PRL: variants seen among roughly 807,000 people sequenced by gnomAD.
PRL encodes the protein prolactin.
Under a neutral mutation model 21.3 loss-of-function variants are expected in PRL, and 24 were observed. The ratio of observed to expected loss-of-function variants is 1.13; its 90% CI spans 0.82 to 1.59. PRL has a LOEUF of 1.59. Ranked by LOEUF, PRL falls within the 40% of genes most tolerant of loss-of-function variation. PRL has a pLI of 0.00. For synonymous variants in PRL, 118 were observed against 115.7 expected, an observed-to-expected ratio of 1.02 and a Z score of -0.13; for missense variants, 243 against 286.9, an observed-to-expected ratio of 0.85 and a Z score of 1.10.
intron 4 of PRL, 62 bp downstream of exon 4, chr6:22,290,112 C>T: frequency 7.3e-7 from 1 of 1,366,658 alleles, no homozygotes; most frequent in African/African-American, 1.4e-5. Context: ...AAATATTTAT[C>T]ATCACAGAGG....
intron 2 of PRL, among the ~76,000 whole-genome samples, chr6:22,293,802 A>G (rs1388844545): frequency 2.1e-5 from 2 of 95,732 alleles, no homozygotes; most frequent in African/African-American, 7.1e-5. Flanking sequence ...GAAGGAGGGA[A>G]GGAAGGAAGG....
rs1383276615 is a variant in PRL, at chr6:22,288,850, G to T, written c.493-1257C>A. Among the ~76,000 whole-genome samples the T allele has an allele frequency of 6.6e-6, 1 of 152,142 alleles. No individual in the cohort carries two copies. Among genetic ancestry groups the T allele is most frequent in the Non-Finnish European group, 1.5e-5 (1 of 68,008 alleles). On this transcript the variant is annotated intron_variant, in intron 4 of 4. Coordinates refer to ENST00000306482, the MANE Select transcript of PRL (RefSeq NM_000948.6). This position sits in a 1 kb window ranked among gnomAD's most constrained non-coding sequence, Gnocchi z 4.5. ...TTTTTCAAATCTGGGATTCCCTATT[G>T]GAATTTAAAGTGTGTGTGTGTGTAT...
upstream of PRL, among the ~76,000 whole-genome samples, chr6:22,302,280 A>G (rs1463880862): frequency 6.6e-6 from 1 of 151,978 alleles, no homozygotes; most frequent in Non-Finnish European, 1.5e-5. Context: ...ATACGCACAC[A>G]CACTCACACA....
At chr6:22,289,607 A>T (rs1761004382) in intron 4 of PRL, among the ~76,000 whole-genome samples, 2 of 152,130 alleles carry the variant, frequency 1.3e-5, no homozygotes, top group Non-Finnish European at 2.9e-5. Context: ...TTCTTTTGTG[A>T]CTCCCTGCAA....
At chr6:22,294,279 G>T in intron 2 of PRL, 130 bp downstream of exon 2, 1 of 1,014,418 alleles carries the variant, frequency 9.9e-7, no homozygotes, top group Non-Finnish European at 1.5e-6. Flanking sequence ...ATGAGCTGGT[G>T]TCTTCTTTCA....
chr6:22,294,305 C>T, intron 2 of PRL, 104 bp downstream of exon 2: 4 of 1,306,880 alleles, frequency 3.1e-6, no homozygotes, highest in East Asian at 2.3e-5. Flanking sequence ...TAAAATGTAT[C>T]GTTTGAAATT....
At chr6:22,297,707 A>G (rs988511781), upstream of PRL, among the ~76,000 whole-genome samples, 2 of 152,172 alleles carry the variant, frequency 1.3e-5, no homozygotes, top group African/African-American at 4.8e-5. Flanking sequence ...TGATTTTAAC[A>G]TATGTGTTAA....
At chr6:22,289,959 G>T (rs1030251600) in intron 4 of PRL, among the ~76,000 whole-genome samples, 1 of 152,128 alleles carries the variant, frequency 6.6e-6, no homozygotes, top group Non-Finnish European at 1.5e-5. Flanking sequence ...TTGCGTGTAG[G>T]TGTAGGGAAA....
chr6:22,287,656 T>C, intron 4 of PRL, 63 bp from the exon 5 acceptor site: 2 of 1,335,688 alleles, frequency 1.5e-6, no homozygotes, highest in Non-Finnish European at 2.0e-6. Flanking sequence ...GTCCTTGTTC[T>C]TTCTAACTGT....
At chr6:22,292,429 T>G in intron 3 of PRL, 109 bp downstream of exon 3, 1 of 1,015,824 alleles carries the variant, frequency 9.8e-7, no homozygotes, top group Non-Finnish European at 1.5e-6. Flanking sequence ...TCTTCCTATA[T>G]TTTTCTCTGC....
chr6:22,292,613 A>G lies in PRL; in HGVS notation c.237T>C (p.Ile79=), dbSNP rs775189116. The change falls in exon 3 of 5, where the codon ATT becomes ATC. Residue 79 remains isoleucine, a synonymous_variant. Coordinates refer to ENST00000306482, the MANE Select transcript of PRL (RefSeq NM_000948.6). ...DKRYTHGRGF[I]TKAINSCHTS... ...TGTGGCAGCTGTTGATGGCCTTGGT[A>G]ATGAACCCCCGGCCATGGGTATACC... 1.8e-5 allele frequency: 29 copies of G among 1,614,008 alleles called. No individual in the cohort carries two copies. The highest frequency in any genetic ancestry group is 2.5e-5 in the Non-Finnish European group (29 of 1,180,032).
upstream of PRL, among the ~76,000 whole-genome samples, chr6:22,301,777 A>T (rs953601520): frequency 6.6e-6 from 1 of 152,064 alleles, no homozygotes; most frequent in African/African-American, 2.4e-5. Flanking sequence ...TTATTTATTC[A>T]TTCATGTCTT....
In PRL at chr6:22,292,631, G is replaced by C; in HGVS notation, c.219C>G (p.Thr73=). 1.2e-6 allele frequency: 2 copies of C among 1,613,570 alleles called. No homozygotes were observed. The highest frequency in any genetic ancestry group is 1.7e-6 in the Non-Finnish European group (2 of 1,179,772). The stretch of plus-strand genomic sequence containing the variant: ...CCTTGGTAATGAACCCCCGGCCATG[G>C]GTATACCGTTTATCCTGGAAATGAT... ...EMFSEFDKRY[T]HGRGFITKAI... Residue 73 remains threonine (T), a synonymous_variant, in exon 3 of 5, where the codon ACC becomes ACG. Transcript: ENST00000306482.
upstream of PRL, among the ~76,000 whole-genome samples, chr6:22,300,944 T>C (rs1347460776): frequency 6.6e-6 from 1 of 152,260 alleles, no homozygotes; most frequent in Non-Finnish European, 1.5e-5. Context: ...TAATGCCTGA[T>C]ATAAAATAAT....
rs777967734 is a variant in PRL, at chr6:22,294,404, C to G, written c.204+5G>C. On this transcript the variant is annotated splice_donor_5th_base_variant and intron_variant, in intron 2 of 4. Coordinates refer to ENST00000306482, the MANE Select transcript of PRL (RefSeq NM_000948.6). The stretch of plus-strand genomic sequence containing the variant: ...CAGGGAGGAAGCCAGAAGCATGGTA[C>G]TTACGAATTCGCTGAACATTTCTGA... The G allele has an allele frequency of 6.2e-7, 1 of 1,614,102 alleles. No individual in the cohort carries two copies. The highest frequency in any genetic ancestry group is 8.5e-7 in the Non-Finnish European group (1 of 1,179,990).
upstream of PRL, among the ~76,000 whole-genome samples, chr6:22,298,492 G>A (rs1761224512): frequency 6.6e-6 from 1 of 152,168 alleles, no homozygotes; most frequent in Non-Finnish European, 1.5e-5. Context: ...AGCCACATAT[G>A]TGCTTTAGCA....
chr6:22,299,091 T>C (rs114002961), upstream of PRL, among the ~76,000 whole-genome samples: 3,644 of 152,368 alleles, frequency 0.024, 64 homozygotes, highest in South Asian at 0.061. Context: ...GTCCTAATTC[T>C]TCTAACTGCT....
In PRL at chr6:22,288,495, A is replaced by G. The variant is rs1760972940; in HGVS notation, c.493-902T>C. ...GATTGTGGTGAGCCGAGATGACACCACTACACTCCAGCATAGGTGACACAG... is the reference window on the plus strand; with the variant it reads ...GATTGTGGTGAGCCGAGATGACACCGCTACACTCCAGCATAGGTGACACAG... On this transcript the variant is annotated intron_variant, in intron 4 of 4. Transcript: ENST00000306482. The surrounding 1 kb of genome is among the most constrained non-coding windows in gnomAD (Gnocchi z 4.5). Among the ~76,000 whole-genome samples, 1 of 151,886 alleles carries G rather than the reference A, an allele frequency of 6.6e-6. No individual in the cohort carries two copies. The highest frequency in any genetic ancestry group is 2.4e-5 in the African/African-American group (1 of 41,318).
In PRL at chr6:22,293,617, GGGAAGGAGGGAAGGAAGGAA is replaced by G. The variant is rs1387559415; in HGVS notation, c.204+772_204+791del. Among the ~76,000 whole-genome samples, 38 of 97,142 alleles carry G rather than the reference GGGAAGGAGGGAAGGAAGGAA, an allele frequency of 3.9e-4. 1 individual carries two copies. In the East Asian group the frequency reaches 5.0e-3, roughly 13 times the overall value. 63.7% of individuals were successfully genotyped at this position (97,142 alleles called of 152,430 possible). On this transcript the variant is annotated intron_variant, in intron 2 of 4. Transcript: ENST00000306482. ...AAGGAGGGGAGGAAGGAAGGGAGGA[GGGAAGGAGGGAAGGAAGGAA>G]GGAAGGAAGGAAGGAAGGAAGGAAG... is the stretch of plus-strand genomic sequence containing the variant.
Sources: gnomAD v4.1 joint callset for allele counts (sites outside exome capture counted in the v4.1 genomes callset) on GRCh38, gnomAD v4.1.1 for gene constraint, Gnocchi (gnomAD v3.1) non-coding constraint, MANE v1.5 for transcripts, NCBI Gene and HGNC (gene_info 2026-07-23, HGNC 2026-07-21) for gene names.